The following PRKN variants were observed in gnomAD, a reference collection of about 807,000 sequenced individuals.
PRKN encodes the protein parkin RBR E3 ubiquitin protein ligase, also known as E3 ubiquitin-protein ligase parkin.
A neutral mutation model predicts 59.5 loss-of-function variants in PRKN; 56 were observed. The observed-to-expected ratio is 0.94, with a 90% CI of 0.76 to 1.18. PRKN has a LOEUF of 1.18. Among genes scored for constraint, PRKN ranks in the 50% most tolerant of loss-of-function variants. The probability of loss-of-function intolerance (pLI) is 0.00; values close to 1 mark genes in which losing one functional copy is unlikely to be tolerated. For synonymous variants in PRKN, 250 were observed against 222.1 expected (o/e 1.13, Z -1.12); for missense variants, 657 against 596.4 (o/e 1.10, Z -1.06).
rs890654810 is a variant in PRKN at position 161,417,630 on chromosome 6, G to T, written c.1084-30753C>A. On this transcript the variant is annotated intron_variant, in intron 9 of 11. Transcript: ENST00000366898. The surrounding 1 kb of genome is among the most constrained non-coding windows in gnomAD (Gnocchi z 5.4). ...CTGGGGGTTACATCTATTGTTTCCT[G>T]TAATTGTCACAGCAGTACTCAATAC... 2.0e-5 allele frequency among the ~76,000 whole-genome samples: 3 copies of T among 152,092 alleles called. No individual in the cohort carries two copies. The highest frequency in any genetic ancestry group is 4.4e-5 in the Non-Finnish European group (3 of 68,032).
chr6:162,443,280 TC>T lies in PRKN; in HGVS notation c.171+29del, dbSNP rs1448855309. On this transcript the variant is annotated intron_variant, in intron 2 of 11. Coordinates refer to ENST00000366898, the MANE Select transcript of PRKN (RefSeq NM_004562.3). ...GGCATGAGCAATGGAGCTGGCGGCATCCCAAGAACGGCCGCCAAGGGAGACT... is the reference window on the plus strand; with the variant it reads ...GGCATGAGCAATGGAGCTGGCGGCATCCAAGAACGGCCGCCAAGGGAGACT... 3.1e-6 allele frequency: 5 copies of T among 1,610,458 alleles called. No homozygotes were observed. In the African/African-American group the frequency reaches 6.7e-5, roughly 22 times the overall value.
At chr6:161,944,134 GATCAGCCTGAGGA>G (rs1169118075) in intron 6 of PRKN, among the ~76,000 whole-genome samples, 1 of 103,316 alleles carries the variant, frequency 9.7e-6, no homozygotes, top group Admixed American at 9.4e-5. Flanking sequence ...CAGCCTGAGG[GATCAGCCTGAGGA>G]ATCTGGCTGC....
intron 1 of PRKN, among the ~76,000 whole-genome samples, chr6:162,452,608 C>T (rs1790680365): frequency 1.3e-5 from 2 of 151,722 alleles, no homozygotes; most frequent in Admixed American, 1.3e-4. Context: ...ACCCAAAAAG[C>T]AAGCAAAAAT....
At chr6:162,036,375 A>G (rs1783848944) in intron 5 of PRKN, among the ~76,000 whole-genome samples, 1 of 151,774 alleles carries the variant, frequency 6.6e-6, no homozygotes, top group Non-Finnish European at 1.5e-5. Flanking sequence ...CATCAAAATT[A>G]TAGTTTAAAT....
chr6:162,665,453 A>T (rs1779064895), intron 1 of PRKN, among the ~76,000 whole-genome samples: 1 of 152,092 alleles, frequency 6.6e-6, no homozygotes, highest in African/African-American at 2.4e-5. Flanking sequence ...AGAGAATAAA[A>T]TACCTAGGAA....
intron 5 of PRKN, among the ~76,000 whole-genome samples, chr6:161,980,377 T>C (rs926539186): frequency 6.6e-6 from 1 of 152,172 alleles, no homozygotes; most frequent in African/African-American, 2.4e-5. Context: ...GCAAAGGGTA[T>C]AGGGTTTGTA....
intron 7 of PRKN, among the ~76,000 whole-genome samples, chr6:161,573,812 T>C (rs1170369393): frequency 5.8e-5 from 7 of 120,242 alleles, no homozygotes; most frequent in African/African-American, 1.7e-4. Flanking sequence ...TCATTCAACC[T>C]TGGGTGTTTT....
chr6:162,140,226 A>T (rs1333202119), intron 4 of PRKN, among the ~76,000 whole-genome samples: 1 of 152,206 alleles, frequency 6.6e-6, no homozygotes, highest in African/African-American at 2.4e-5. Flanking sequence ...GTTTAAAATT[A>T]TAATTTCTAA....
At chr6:161,722,137 C>G (rs1385794619) in intron 7 of PRKN, among the ~76,000 whole-genome samples, 3 of 152,134 alleles carry the variant, frequency 2.0e-5, no homozygotes, top group Non-Finnish European at 4.4e-5. Context: ...ACACCTGCCT[C>G]TGCTCCCAAC....
intron 1 of PRKN, among the ~76,000 whole-genome samples, chr6:162,533,622 A>C (rs918210983): frequency 6.6e-6 from 1 of 152,182 alleles, no homozygotes; most frequent in Non-Finnish European, 1.5e-5. Context: ...CGGGTTTTAC[A>C]CTTTACCAAC....
chr6:162,121,670 G>A (rs1780920478), intron 4 of PRKN, among the ~76,000 whole-genome samples: 1 of 152,044 alleles, frequency 6.6e-6, no homozygotes, highest in Admixed American at 6.6e-5. Context: ...TAGCTGCTGG[G>A]TCCTGATACA....
At position 162,443,751 on chromosome 6, in the gene PRKN, T is replaced by C. The variant is rs560898775; in HGVS notation, c.8-278A>G. 3.9e-5 allele frequency among the ~76,000 whole-genome samples: 6 copies of C among 152,256 alleles called. No individual in the cohort carries two copies. The East Asian group carries it at 9.7e-4, about 25-fold the overall frequency. ...ATCCATCCTGGGAAACAGAGAGACT[T>C]GAGCAGGACACTTGCTTGATTGGAA... On this transcript the variant is annotated intron_variant, in intron 1 of 11. Transcript: ENST00000366898.
Position 162,253,279 on chromosome 6 carries a change from A to AAATCTAATCTAATCTAATCT in PRKN, c.412+9226_412+9245dup, listed in dbSNP as rs56965676. On this transcript the variant is annotated intron_variant, in intron 3 of 11. Coordinates refer to ENST00000366898, the MANE Select transcript of PRKN (RefSeq NM_004562.3). ...AGGCATGCTGGTGACAACAGGCAAC[A>AAATCTAATCTAATCTAATCT]AATCTAATCTAATCTAATCTAATCT... Among the ~76,000 whole-genome samples, 1,401 of 149,516 alleles carry AAATCTAATCTAATCTAATCT rather than the reference A, an allele frequency of 9.4e-3. 18 individuals are homozygous for AAATCTAATCTAATCTAATCT. The highest frequency in any genetic ancestry group is 0.022 in the African/African-American group (892 of 40,294).
chr6:161,897,966 C>CAAAAAAAAAAAAAAAAAAAAAAAAAAAA (rs55714271), intron 6 of PRKN, among the ~76,000 whole-genome samples: 10 of 38,284 alleles, frequency 2.6e-4, no homozygotes, highest in Non-Finnish European at 3.7e-4. Context: ...GACTCCGTCT[C>CAAAAAAAAAAAAAAAAAAAAAAAAAAAA]AAAAAAAAAA....
Position 161,378,414 on chromosome 6 carries a change from G to T in PRKN, c.1167+8380C>A, listed in dbSNP as rs375310119. Among the ~76,000 whole-genome samples the T allele has an allele frequency of 4.6e-5, 7 of 152,320 alleles. No individual in the cohort carries two copies. The East Asian group carries it at 9.7e-4, about 21-fold the overall frequency. On this transcript the variant is annotated intron_variant, in intron 10 of 11. Coordinates refer to ENST00000366898, the MANE Select transcript of PRKN (RefSeq NM_004562.3). The surrounding 1 kb of genome is among the most constrained non-coding windows in gnomAD (Gnocchi z 7.3). ...TTCAACCTGCCGGCAACAAAGAGCG[G>T]CACGGAGTCCTGTGTGTCCTCCACT...
intron 3 of PRKN, among the ~76,000 whole-genome samples, chr6:162,243,268 G>A (rs1390385756): frequency 1.3e-5 from 2 of 152,090 alleles, no homozygotes; most frequent in Non-Finnish European, 2.9e-5. Flanking sequence ...ATAAATTTTT[G>A]CATTTAGAAC....
chr6:162,235,971 A>AAGAAAGAAAGAAAG (rs1778669995), intron 3 of PRKN, among the ~76,000 whole-genome samples: 4 of 97,724 alleles, frequency 4.1e-5, no homozygotes, highest in African/African-American at 2.3e-4. Context: ...GAAAGAAAGA[A>AAGAAAGAAAGAAAG]AGAAAGAAAG....
At chr6:162,235,843 A>C (rs537411547) in intron 3 of PRKN, among the ~76,000 whole-genome samples, 1 of 149,894 alleles carries the variant, frequency 6.7e-6, no homozygotes. Context: ...GGAGGGAGGA[A>C]AGGAGGGAGG....
intron 2 of PRKN, among the ~76,000 whole-genome samples, chr6:162,320,243 C>T (rs1453528407): frequency 6.6e-6 from 1 of 150,640 alleles, no homozygotes; most frequent in Non-Finnish European, 1.5e-5. Flanking sequence ...CATATCTTTG[C>T]TATTATGAAC....
Sources: gnomAD v4.1 joint callset for allele counts (sites outside exome capture counted in the v4.1 genomes callset) on GRCh38, gnomAD v4.1.1 for gene constraint, Gnocchi (gnomAD v3.1) non-coding constraint, MANE v1.5 for transcripts, NCBI Gene and HGNC (gene_info 2026-07-23, HGNC 2026-07-21) for gene names.